The following TCF20 variants were observed in gnomAD, a reference collection of about 807,000 sequenced individuals.
TCF20 encodes the protein transcription factor 20, also known as SPRE-binding protein.
Under a neutral mutation model 148.6 loss-of-function variants are expected in TCF20, and 3 were observed. The ratio of observed to expected loss-of-function variants is 0.02; its 90% CI spans 0.01 to 0.05. The LOEUF (loss-of-function observed/expected upper bound fraction) is 0.05. TCF20 is among the 10% of genes least tolerant of loss of function. The probability of loss-of-function intolerance (pLI) is 1.00; values close to 1 mark genes in which losing one functional copy is unlikely to be tolerated. For synonymous variants in TCF20, 1,049 were observed against 909.5 expected (o/e 1.15, Z -2.76); for missense variants, 2,350 against 2,429.3 (o/e 0.97, Z 0.69).
Position 42,323,870 on chromosome 22 carries a change from T to TGGTGGCGGAGGTTATGGTGGTGGA in TCF20, c.-37+19608_-37+19609insTCCACCACCATAACCTCCGCCACC, listed in dbSNP as rs1927784984. ...GTGGTGATGGAGGTTATGGTGGTGG[T>TGGTGGCGGAGGTTATGGTGGTGGA]GGTGGTGGTGGTGATGGAGGTTATG... On this transcript the variant is annotated intron_variant, in intron 1 of 1. Transcript: ENST00000515426. 2.2e-5 allele frequency among the ~76,000 whole-genome samples: 2 copies of TGGTGGCGGAGGTTATGGTGGTGGA among 90,906 alleles called. 1 individual carries two copies. The highest frequency in any genetic ancestry group is 5.2e-5 in the Non-Finnish European group (2 of 38,124). The allele number at this position is 90,906 out of a possible 152,430, so 59.6% of individuals were successfully genotyped here. A position where few individuals can be genotyped will look rare whatever the true frequency, so the allele number is the denominator to read the frequency against.
At chr22:42,169,375 C>T (rs1935984709) in intron 4 of TCF20, among the ~76,000 whole-genome samples, 1 of 152,040 alleles carries the variant, frequency 6.6e-6, no homozygotes, top group South Asian at 2.1e-4. Flanking sequence ...ATCCACTGTG[C>T]ATCAGGCTGC....
At chr22:42,198,481 T>C (rs190537665) in intron 2 of TCF20, among the ~76,000 whole-genome samples, 53 of 152,312 alleles carry the variant, frequency 3.5e-4, no homozygotes, top group African/African-American at 1.3e-3. Context: ...TTATATAAAA[T>C]AGCACAGTAT....
At chr22:42,178,454 A>T (rs1021636815) in intron 3 of TCF20, among the ~76,000 whole-genome samples, 1 of 152,126 alleles carries the variant, frequency 6.6e-6, no homozygotes, top group African/African-American at 2.4e-5. Flanking sequence ...ACCAAGCTAA[A>T]CTATAGGACA....
chr22:42,341,234 T>TCACCCCGGGGGACACGC (rs1928162310), intron 1 of TCF20, among the ~76,000 whole-genome samples: 1 of 152,064 alleles, frequency 6.6e-6, no homozygotes, highest in Non-Finnish European at 1.5e-5. Flanking sequence ...GCAGACGCCG[T>TCACCCCGGGGGACACGC]CACCCCGGGG....
chr22:42,328,175 C>T (rs1296962150), intron 1 of TCF20, among the ~76,000 whole-genome samples: 1 of 152,128 alleles, frequency 6.6e-6, no homozygotes, highest in African/African-American at 2.4e-5. Flanking sequence ...ATGCAGGGGG[C>T]GTGAGCTGCT....
chr22:42,250,903 G>A (rs1459376612), intron 1 of TCF20, among the ~76,000 whole-genome samples: 1 of 152,200 alleles, frequency 6.6e-6, no homozygotes, highest in Non-Finnish European at 1.5e-5. Flanking sequence ...ATCACATGAT[G>A]AGGACTGAGC....
intron 1 of TCF20, among the ~76,000 whole-genome samples, chr22:42,255,570 A>G (rs1925696640): frequency 6.6e-6 from 1 of 152,138 alleles, no homozygotes; most frequent in South Asian, 2.1e-4. Context: ...GGTAAATAAA[A>G]TATGCTTGCC....
chr22:42,276,530 T>A (rs1926783170), intron 1 of TCF20: 1 of 152,248 alleles, frequency 6.6e-6, no homozygotes, highest in Non-Finnish European at 1.5e-5. Flanking sequence ...TTTCTGCTCA[T>A]CTTCTGCCAC....
At chr22:42,314,440 G>A (rs1213607187) in intron 1 of TCF20, among the ~76,000 whole-genome samples, 1 of 152,248 alleles carries the variant, frequency 6.6e-6, no homozygotes, top group Non-Finnish European at 1.5e-5. Context: ...GCCCTCGGAG[G>A]AGCTTGAATC....
intron 1 of TCF20, among the ~76,000 whole-genome samples, chr22:42,261,555 A>G (rs535433251): frequency 6.7e-6 from 1 of 149,106 alleles, no homozygotes; most frequent in African/African-American, 2.5e-5. Context: ...TTCATTCTAC[A>G]TTTTTTTTTT....
chr22:42,187,989 G>A (rs1937126918), intron 2 of TCF20, among the ~76,000 whole-genome samples: 1 of 151,952 alleles, frequency 6.6e-6, no homozygotes, highest in Non-Finnish European at 1.5e-5. Context: ...TGCCATTGTT[G>A]CTTTAAAAAA....
chr22:42,286,322 CA>C (rs1373399600), upstream of TCF20, among the ~76,000 whole-genome samples: 1 of 152,144 alleles, frequency 6.6e-6, no homozygotes, highest in African/African-American at 2.4e-5. Context: ...TTGACTGGAA[CA>C]GTGAATTGAA....
rs1282957072 is a variant in TCF20, at chr22:42,214,158, C to CTA, written c.1146_1147dup (p.Ser383IlefsTer33). 6.2e-7 allele frequency: 1 copy of CTA among 1,614,216 alleles called. No individual in the cohort carries two copies. Among genetic ancestry groups the CTA allele is most frequent in the Non-Finnish European group, 8.5e-7 (1 of 1,180,044 alleles). On this transcript the variant is annotated frameshift_variant, in exon 2 of 6. Transcript: ENST00000677622. LOFTEE classifies it high-confidence loss of function. The stretch of plus-strand genomic sequence containing the variant: ...CTGCATGAGAGGAGATGGGGTAGAA[C>CTA]TACAGCTTGGAGACTGAACCACAGA...
At chr22:42,291,389 A>T (rs1485285590) in intron 1 of TCF20, among the ~76,000 whole-genome samples, 2 of 152,128 alleles carry the variant, frequency 1.3e-5, no homozygotes, top group Non-Finnish European at 2.9e-5. Flanking sequence ...GTGGAGCGGC[A>T]AAGGAAGGGG....
chr22:42,201,855 T>G (rs570325936), intron 2 of TCF20, among the ~76,000 whole-genome samples: 1 of 152,268 alleles, frequency 6.6e-6, no homozygotes, highest in African/African-American at 2.4e-5. Context: ...CTATCAAAAC[T>G]TTGTCATCTC....
intron 1 of TCF20, among the ~76,000 whole-genome samples, chr22:42,283,011 CACAA>C (rs1374375138): frequency 2.6e-5 from 4 of 152,364 alleles, no homozygotes; most frequent in Non-Finnish European, 5.9e-5. Flanking sequence ...TTGCATTTAC[CACAA>C]ACAGAGACAA....
Position 42,323,884 on chromosome 22 carries a change from ATGGAGGTTATGGTGGTGGAGGT to A in TCF20, c.-37+19573_-37+19594del, listed in dbSNP as rs1927787460. ...TATGGTGGTGGTGGTGGTGGTGGTG[ATGGAGGTTATGGTGGTGGAGGT>A]GGTGGTGGTGATGGAGGTTATGGTG... On this transcript the variant is annotated intron_variant, in intron 1 of 1. Coordinates refer to the TCF20 transcript ENST00000515426. Among the ~76,000 whole-genome samples the A allele has an allele frequency of 5.9e-5, 2 of 34,022 alleles. 1 individual carries two copies. Among genetic ancestry groups the A allele is most frequent in the Non-Finnish European group, 1.5e-4 (2 of 13,052 alleles). 22.3% of individuals were successfully genotyped at this position (34,022 alleles called of 152,430 possible).
intron 2 of TCF20, among the ~76,000 whole-genome samples, chr22:42,203,854 G>A (rs1027930142): frequency 6.6e-6 from 1 of 152,190 alleles, no homozygotes; most frequent in African/African-American, 2.4e-5. Flanking sequence ...GGGTGGGGGT[G>A]AGGTACTGGA....
intron 2 of TCF20, among the ~76,000 whole-genome samples, chr22:42,182,846 C>T (rs553729556): frequency 1.5e-4 from 23 of 152,296 alleles, no homozygotes; most frequent in African/African-American, 4.6e-4. Flanking sequence ...AAGTGATTCT[C>T]GTGCCTCAGC....
Sources: allele counts gnomAD v4.1 joint callset (sites outside exome capture counted in the v4.1 genomes callset), GRCh38; gene constraint gnomAD v4.1.1; transcripts MANE v1.5; gene names NCBI Gene and HGNC (gene_info 2026-07-23, HGNC 2026-07-21).